Variants in MAP3K20 observed in about 807,000 individuals in gnomAD.
The protein encoded by MAP3K20 is HCCS-4.
Under a neutral mutation model 85.7 loss-of-function variants are expected in MAP3K20, and 40 were observed. The observed-to-expected ratio is 0.47, with a 90% CI of 0.36 to 0.61. The LOEUF (loss-of-function observed/expected upper bound fraction) is 0.61, where lower values mean the gene tolerates loss of function less well. MAP3K20 is among the 20% of genes least tolerant of loss of function. MAP3K20 has a pLI of 0.00. For synonymous variants in MAP3K20, 325 were observed against 327.7 expected (o/e 0.99, Z 0.09); for missense variants, 817 against 961.7 (o/e 0.85, Z 1.99).
chr2:173,165,542 A>G (rs1246331551), intron 2 of MAP3K20, among the ~76,000 whole-genome samples: 1 of 152,278 alleles, frequency 6.6e-6, no homozygotes, highest in East Asian at 1.9e-4. Context: ...TAAGATGACT[A>G]TTGAATACAT....
intron 2 of MAP3K20, among the ~76,000 whole-genome samples, chr2:173,162,503 T>C (rs899231107): frequency 8.6e-5 from 13 of 151,998 alleles, no homozygotes; most frequent in Non-Finnish European, 1.8e-4. Flanking sequence ...CTGGCCAGCA[T>C]GGTGAAACCT....
At chr2:173,158,758 G>A (rs978764797) in intron 2 of MAP3K20, among the ~76,000 whole-genome samples, 1 of 152,222 alleles carries the variant, frequency 6.6e-6, no homozygotes. Context: ...GGGCACTGGA[G>A]TAGGATTACT....
chr2:173,095,208 C>T (rs1687424903), intron 2 of MAP3K20, among the ~76,000 whole-genome samples: 1 of 152,136 alleles, frequency 6.6e-6, no homozygotes, highest in African/African-American at 2.4e-5. Flanking sequence ...CCAGCTGGCT[C>T]TTGTGTCCTT....
At chr2:173,116,206 T>A (rs1188173928) in intron 2 of MAP3K20, among the ~76,000 whole-genome samples, 1 of 152,186 alleles carries the variant, frequency 6.6e-6, no homozygotes, top group African/African-American at 2.4e-5. Flanking sequence ...CTGTACAACA[T>A]GATGTTTGGA....
intron 9 of MAP3K20, among the ~76,000 whole-genome samples, chr2:173,208,708 A>T (rs767070673): frequency 1.3e-5 from 2 of 152,236 alleles, no homozygotes; most frequent in Non-Finnish European, 2.9e-5. Flanking sequence ...TGTAGGAAGC[A>T]CTTAAATCCT....
chr2:173,225,210 G>A (rs1684351541), intron 11 of MAP3K20: 12 of 921,808 alleles, frequency 1.3e-5, no homozygotes, highest in Non-Finnish European at 1.4e-5. Flanking sequence ...CACATTTTTG[G>A]TTGTCACAGC....
chr2:173,185,619 G>T (rs2106268654), intron 4 of MAP3K20, among the ~76,000 whole-genome samples: 1 of 152,280 alleles, frequency 6.6e-6, no homozygotes, highest in African/African-American at 2.4e-5. Context: ...GATATGTTGA[G>T]AAATCAGAGA....
At chr2:173,158,841 G>A (rs778976537) in intron 2 of MAP3K20, among the ~76,000 whole-genome samples, 13 of 152,358 alleles carry the variant, frequency 8.5e-5, no homozygotes, top group Non-Finnish European at 1.3e-4. Flanking sequence ...ACTGGTAAGT[G>A]GCAGAGCCAA....
intron 2 of MAP3K20, among the ~76,000 whole-genome samples, chr2:173,159,566 T>G (rs1689587316): frequency 6.6e-6 from 1 of 152,104 alleles, no homozygotes; most frequent in South Asian, 2.1e-4. Context: ...ATTTCTGCAT[T>G]TTTTGTAGAG....
chr2:173,181,389 ATGT>A (rs1254343930), intron 3 of MAP3K20, among the ~76,000 whole-genome samples: 1 of 152,116 alleles, frequency 6.6e-6, no homozygotes, highest in African/African-American at 2.4e-5. Flanking sequence ...ACAATATCAA[ATGT>A]TGGTGAGGAT....
intron 2 of MAP3K20, among the ~76,000 whole-genome samples, chr2:173,147,344 T>A (rs530520697): frequency 5.3e-5 from 8 of 152,242 alleles, no homozygotes; most frequent in Non-Finnish European, 1.0e-4. Flanking sequence ...ATGTGTGTGA[T>A]TCATTTTTTG....
intron 2 of MAP3K20, among the ~76,000 whole-genome samples, chr2:173,130,675 A>G (rs1200200829): frequency 6.6e-6 from 1 of 152,252 alleles, no homozygotes; most frequent in Non-Finnish European, 1.5e-5. Context: ...GAGAACCAAC[A>G]TGCTAGGGTG....
chr2:173,187,027 C>T (rs186551521), intron 4 of MAP3K20, among the ~76,000 whole-genome samples: 35 of 152,242 alleles, frequency 2.3e-4, no homozygotes, highest in African/African-American at 8.2e-4. Context: ...TCCCAGTTCT[C>T]CCCACCACTA....
intron 1 of MAP3K20, among the ~76,000 whole-genome samples, chr2:173,085,751 G>A (rs1045334060): frequency 4.1e-5 from 6 of 147,022 alleles, no homozygotes; most frequent in South Asian, 2.2e-4. Context: ...GCATTGTTGC[G>A]TGGAGCAAAA....
intron 1 of MAP3K20, among the ~76,000 whole-genome samples, chr2:173,076,725 G>C (rs184621418): frequency 2.6e-3 from 401 of 152,334 alleles, no homozygotes; most frequent in Non-Finnish European, 4.4e-3. Flanking sequence ...CCGCCCTCTC[G>C]GGCTTCCCCC....
intron 4 of MAP3K20, among the ~76,000 whole-genome samples, chr2:173,183,580 A>G (rs2106266312): frequency 6.6e-6 from 1 of 152,198 alleles, no homozygotes; most frequent in East Asian, 1.9e-4. Context: ...AGCAATTCAA[A>G]CTTCATTTAT....
intron 16 of MAP3K20, among the ~76,000 whole-genome samples, chr2:173,247,536 C>G (rs562461061): frequency 6.6e-6 from 1 of 152,292 alleles, no homozygotes; most frequent in South Asian, 2.1e-4. Flanking sequence ...CCATGATCAA[C>G]TATTTTTTGA....
chr2:173,101,693 A>T (rs1687643550), intron 2 of MAP3K20, among the ~76,000 whole-genome samples: 1 of 152,234 alleles, frequency 6.6e-6, no homozygotes, highest in Admixed American at 6.5e-5. Flanking sequence ...GCAGCCCGTA[A>T]GTATTTCAGA....
At chr2:173,076,106 C>A (rs532611859) in intron 1 of MAP3K20, 104 bp downstream of exon 1, 10 of 872,474 alleles carry the variant, frequency 1.1e-5, no homozygotes, top group Middle Eastern at 5.9e-4. Flanking sequence ...CCGCCGGAGC[C>A]CGGGAGTCTA....
Sources: allele counts gnomAD v4.1 joint callset (sites outside exome capture counted in the v4.1 genomes callset), GRCh38; gene constraint gnomAD v4.1.1; transcripts MANE v1.5; gene names NCBI Gene and HGNC (gene_info 2026-07-23, HGNC 2026-07-21).